Variants in KCNH1 observed in about 807,000 individuals in gnomAD.
KCNH1 encodes potassium voltage-gated channel subfamily H member 1.
A neutral mutation model predicts 69.2 loss-of-function variants in KCNH1; 27 were observed. That is an observed-to-expected ratio of 0.39 (90% CI 0.29 to 0.54). KCNH1 has a LOEUF of 0.54. KCNH1 is among the 20% of genes least tolerant of loss of function. The pLI, the probability that KCNH1 is intolerant of heterozygous loss-of-function variation, is 0.68. For synonymous variants in KCNH1, 456 were observed against 487.7 expected (o/e 0.93, Z 0.86); for missense variants, 798 against 1,261.6 (o/e 0.63, Z 5.57).
intron 6 of KCNH1, 57 bp from the exon 7 acceptor site, chr1:210,920,126 C>T: frequency 4.1e-6 from 6 of 1,478,692 alleles, no homozygotes; most frequent in Non-Finnish European, 5.6e-6. Flanking sequence ...TACTCTCGTC[C>T]CCTCCGCCCC....
chr1:210,742,412 C>T lies in KCNH1; in HGVS notation c.2112+32936G>A, dbSNP rs1327977663. 4.6e-5 allele frequency among the ~76,000 whole-genome samples: 7 copies of T among 152,154 alleles called. No homozygotes were observed. In the South Asian group the frequency reaches 1.2e-3, roughly 27 times the overall value. ...CCCCAGGGGAACAATGCTGGGGTAA[C>T]CATCCAGATGGGAAATAGAATTCCT... On this transcript the variant is annotated intron_variant, in intron 10 of 10. Transcript: ENST00000271751.
intron 6 of KCNH1, among the ~76,000 whole-genome samples, chr1:210,971,765 T>C (rs1165579570): frequency 6.6e-6 from 1 of 152,148 alleles, no homozygotes; most frequent in Non-Finnish European, 1.5e-5. Flanking sequence ...CATTTTTATA[T>C]TATCTGAACT....
chr1:210,851,857 G>A lies in KCNH1; in HGVS notation c.1463-47691C>T, dbSNP rs186514769. 1.5e-3 allele frequency among the ~76,000 whole-genome samples: 234 copies of A among 152,262 alleles called. 7 individuals carry two copies. In the South Asian group the frequency reaches 0.045, roughly 29 times the overall value. Reference sequence around the variant, plus strand: ...ACATATGGGAACCACCATCCTTTACGCGGTTTGTTGTTGAGTGAAATGTTA... The same window carrying A: ...ACATATGGGAACCACCATCCTTTACACGGTTTGTTGTTGAGTGAAATGTTA... On this transcript the variant is annotated intron_variant, in intron 7 of 10. Coordinates refer to ENST00000271751, the MANE Select transcript of KCNH1 (RefSeq NM_172362.3).
chr1:210,892,166 A>G (rs969274298), intron 7 of KCNH1, among the ~76,000 whole-genome samples: 2 of 152,052 alleles, frequency 1.3e-5, no homozygotes, highest in Non-Finnish European at 2.9e-5. Flanking sequence ...TACCTAGGTA[A>G]CAAACCTGCA....
chr1:210,978,460 CT>C (rs542650791), intron 6 of KCNH1, among the ~76,000 whole-genome samples: 168 of 152,104 alleles, frequency 1.1e-3, no homozygotes, highest in African/African-American at 3.9e-3. Context: ...CGATTGACTG[CT>C]TTTTTTTCCT....
At chr1:210,970,910 G>A (rs1384795806) in intron 6 of KCNH1, among the ~76,000 whole-genome samples, 3 of 151,884 alleles carry the variant, frequency 2.0e-5, no homozygotes, top group African/African-American at 4.8e-5. Context: ...CTAATATCCA[G>A]AATTTACAAG....
chr1:210,726,544 C>G (rs1436949663), intron 10 of KCNH1, among the ~76,000 whole-genome samples: 1 of 152,144 alleles, frequency 6.6e-6, no homozygotes, highest in Non-Finnish European at 1.5e-5. Context: ...GCTCAGGTCC[C>G]CTTGGGCTAG....
At chr1:210,837,487 C>A (rs561924055) in intron 7 of KCNH1, among the ~76,000 whole-genome samples, 1 of 152,066 alleles carries the variant, frequency 6.6e-6, no homozygotes, top group Non-Finnish European at 1.5e-5. Context: ...AATAAAATAG[C>A]GACCTGAAGA....
At chr1:210,939,838 T>A (rs1030801065) in intron 6 of KCNH1, among the ~76,000 whole-genome samples, 1 of 152,184 alleles carries the variant, frequency 6.6e-6, no homozygotes, top group African/African-American at 2.4e-5. Flanking sequence ...TACCTTTAAA[T>A]TCTCATCTTC....
intron 5 of KCNH1, among the ~76,000 whole-genome samples, chr1:211,080,654 A>T (rs1272570645): frequency 6.6e-6 from 1 of 152,240 alleles, no homozygotes; most frequent in Non-Finnish European, 1.5e-5. Flanking sequence ...AGGCCTTAGA[A>T]GTAACACCAC....
chr1:210,932,259 C>A (rs1439654356), intron 6 of KCNH1, among the ~76,000 whole-genome samples: 1 of 152,156 alleles, frequency 6.6e-6, no homozygotes, highest in Non-Finnish European at 1.5e-5. Flanking sequence ...GGGAACTGCT[C>A]TTTCTTATGA....
intron 7 of KCNH1, among the ~76,000 whole-genome samples, chr1:210,871,105 T>C (rs1189994713): frequency 1.3e-5 from 2 of 152,004 alleles, no homozygotes; most frequent in Admixed American, 1.3e-4. Context: ...ACCATCAGAG[T>C]GAACAGGCAA....
At chr1:210,870,771 A>C (rs1036345493) in intron 7 of KCNH1, among the ~76,000 whole-genome samples, 7 of 152,178 alleles carry the variant, frequency 4.6e-5, no homozygotes, top group Non-Finnish European at 7.3e-5. Flanking sequence ...TTATGATACT[A>C]ATACATTCTT....
At chr1:210,773,385 T>G (rs1471745228) in intron 10 of KCNH1, among the ~76,000 whole-genome samples, 1 of 152,228 alleles carries the variant, frequency 6.6e-6, no homozygotes, top group Non-Finnish European at 1.5e-5. Flanking sequence ...TCCTCAAATA[T>G]TTATTAATTC....
intron 4 of KCNH1, among the ~76,000 whole-genome samples, chr1:211,088,333 C>A (rs966182012): frequency 6.6e-6 from 1 of 152,166 alleles, no homozygotes; most frequent in Non-Finnish European, 1.5e-5. Context: ...TGGAAACAAG[C>A]TGCTGAGAGT....
intron 3 of KCNH1, 68 bp from the exon 4 acceptor site, chr1:211,090,758 C>T (rs1474000528): frequency 2.7e-5 from 38 of 1,394,844 alleles, no homozygotes; most frequent in Non-Finnish European, 3.5e-5. Flanking sequence ...GAAGCAAAGA[C>T]TTGGGAATGA....
chr1:211,108,016 G>A (rs1347629358), intron 1 of KCNH1, among the ~76,000 whole-genome samples: 2 of 152,148 alleles, frequency 1.3e-5, no homozygotes, highest in Admixed American at 1.3e-4. Flanking sequence ...TGCTAATTTT[G>A]AAATTCTTGC....
At chr1:210,813,052 A>T (rs1463985801) in intron 7 of KCNH1, among the ~76,000 whole-genome samples, 2 of 152,218 alleles carry the variant, frequency 1.3e-5, no homozygotes, top group African/African-American at 4.8e-5. Context: ...GCAGAATTAA[A>T]TGAGATACTG....
chr1:211,089,009 G>A (rs971021047), intron 4 of KCNH1, among the ~76,000 whole-genome samples: 10 of 152,100 alleles, frequency 6.6e-5, no homozygotes, highest in African/African-American at 1.9e-4. Context: ...TGCCAGGTAC[G>A]GAGCATTCTG....
Sources: gnomAD v4.1 joint callset for allele counts (sites outside exome capture counted in the v4.1 genomes callset) on GRCh38, gnomAD v4.1.1 for gene constraint, MANE v1.5 for transcripts, NCBI Gene and HGNC (gene_info 2026-07-23, HGNC 2026-07-21) for gene names.